The following CD96 variants were observed in gnomAD, a reference collection of about 807,000 sequenced individuals.
CD96 encodes the protein T-cell surface protein tactile.
Under a neutral mutation model 71.3 loss-of-function variants are expected in CD96, and 70 were observed. The ratio of observed to expected loss-of-function variants is 0.98; its 90% CI spans 0.81 to 1.20. The LOEUF is 1.20. Among genes scored for constraint, CD96 ranks in the 50% most tolerant of loss-of-function variants. The pLI is 0.00. For missense variants in CD96, 742 were observed against 677.5 expected (o/e 1.10, Z -1.06); for synonymous variants, 248 against 233.0 (o/e 1.06, Z -0.59).
intron 1 of CD96, among the ~76,000 whole-genome samples, chr3:111,544,337 GT>G (rs1191437464): frequency 4.6e-5 from 7 of 152,100 alleles, no homozygotes; most frequent in African/African-American, 1.7e-4. Flanking sequence ...TAGAGACGGG[GT>G]TTTGCCGTGT....
At chr3:111,618,492 T>C (rs1332044460) in intron 8 of CD96, among the ~76,000 whole-genome samples, 1 of 152,040 alleles carries the variant, frequency 6.6e-6, no homozygotes. Context: ...AAGAGTCTAG[T>C]AAGCAAAAAC....
intron 3 of CD96, chr3:111,570,904 C>T: frequency 6.3e-7 from 1 of 1,594,356 alleles, no homozygotes; most frequent in Non-Finnish European, 8.6e-7. Flanking sequence ...CGAGGCATTT[C>T]CTGCTCAGTG....
chr3:111,608,492 T>A (rs1391969107), intron 8 of CD96, among the ~76,000 whole-genome samples: 2 of 152,230 alleles, frequency 1.3e-5, no homozygotes. Context: ...TGTGGTTTGA[T>A]CTTTATTATG....
Position 111,567,564 on chromosome 3 carries a change from G to A in CD96, c.460G>A (p.Glu154Lys), listed in dbSNP as rs1274852667. 1 of 1,605,268 alleles carries A rather than the reference G, an allele frequency of 6.2e-7. No homozygotes were observed. Among genetic ancestry groups the A allele is most frequent in the East Asian group, 2.2e-5 (1 of 44,820 alleles). The change falls in exon 3 of 14, where the codon GAG becomes AAG. Residue 154 changes from glutamate (E) to lysine (K), a missense_variant. Transcript: ENST00000352690. ...GAACAGCAACCATACGATAGAAATA[G>A]AGATAAATCAGACTCTGGAAATACC... is the stretch of plus-strand genomic sequence containing the variant. ...EWNSNHTIEIEINQTLEIPCF... is the reference protein window; with the variant it reads ...EWNSNHTIEIKINQTLEIPCF...
At chr3:111,543,644 G>A (rs73226247) in intron 1 of CD96, among the ~76,000 whole-genome samples, 8,130 of 152,280 alleles carry the variant, frequency 0.053, 292 homozygotes, top group Non-Finnish European at 0.08. Flanking sequence ...TTACTTAGAA[G>A]TTATATGTAG....
At chr3:111,592,237 T>C (rs1385561377) in intron 5 of CD96, among the ~76,000 whole-genome samples, 1 of 152,248 alleles carries the variant, frequency 6.6e-6, no homozygotes, top group Non-Finnish European at 1.5e-5. Flanking sequence ...ATTCTATTTC[T>C]AAATTAATAT....
chr3:111,593,676 T>C, intron 5 of CD96: 1 of 1,612,248 alleles, frequency 6.2e-7, no homozygotes, highest in Non-Finnish European at 8.5e-7. Context: ...CGCTCCCTTT[T>C]TTCCACAGCC....
At chr3:111,577,353 C>T (rs2107578726) in intron 3 of CD96, 1 of 748,346 alleles carries the variant, frequency 1.3e-6, no homozygotes, top group Non-Finnish European at 2.5e-6. Context: ...TACCTGCCTT[C>T]TTAATTATTG....
intron 1 of CD96, 113 bp from the exon 2 acceptor site, chr3:111,544,933 G>T: frequency 1.2e-6 from 1 of 846,362 alleles, no homozygotes; most frequent in African/African-American, 1.7e-5. Context: ...AAAGCAGCCA[G>T]GGAGAAATTT....
intron 5 of CD96, among the ~76,000 whole-genome samples, chr3:111,585,792 C>T (rs563155356): frequency 6.6e-6 from 1 of 152,180 alleles, no homozygotes; most frequent in East Asian, 1.9e-4. Flanking sequence ...GTTTTTATTT[C>T]AAAGTGACAG....
intron 9 of CD96, 66 bp downstream of exon 9, chr3:111,623,888 C>A: frequency 1.0e-6 from 1 of 1,000,142 alleles, no homozygotes; most frequent in Non-Finnish European, 1.6e-6. Context: ...TTTACTACTG[C>A]TTCTATAATG....
At chr3:111,594,232 T>G in intron 5 of CD96, 2 of 1,528,902 alleles carry the variant, frequency 1.3e-6, no homozygotes, top group Non-Finnish European at 1.8e-6. Context: ...CTTTATGATG[T>G]GCTTAGATGT....
At chr3:111,559,124 G>T (rs1390622780) in intron 2 of CD96, among the ~76,000 whole-genome samples, 1 of 150,766 alleles carries the variant, frequency 6.6e-6, no homozygotes, top group Non-Finnish European at 1.5e-5. Flanking sequence ...CTTGCTAGCG[G>T]TCTATCAATT....
intron 2 of CD96, among the ~76,000 whole-genome samples, chr3:111,560,395 G>A (rs1275304647): frequency 6.6e-6 from 1 of 150,434 alleles, no homozygotes; most frequent in Admixed American, 6.6e-5. Context: ...CTCTTTTAGG[G>A]CAGGCCTGGT....
At chr3:111,567,432 C>G (rs939311107) in intron 2 of CD96, 91 bp from the exon 3 acceptor site, 1 of 1,021,112 alleles carries the variant, frequency 9.8e-7, no homozygotes, top group African/African-American at 1.6e-5. Flanking sequence ...AGATGAATCC[C>G]TATACTAAAA....
chr3:111,550,602 A>G (rs1934652264), intron 2 of CD96, among the ~76,000 whole-genome samples: 1 of 152,060 alleles, frequency 6.6e-6, no homozygotes, highest in Non-Finnish European at 1.5e-5. Context: ...AAAAAAAAAG[A>G]ACAGTTTTTT....
intron 5 of CD96, among the ~76,000 whole-genome samples, chr3:111,587,849 A>G (rs1043207303): frequency 1.3e-5 from 2 of 152,102 alleles, no homozygotes; most frequent in African/African-American, 4.8e-5. Flanking sequence ...CCTTTCAGTT[A>G]TGGCTGGAGT....
intron 8 of CD96, among the ~76,000 whole-genome samples, chr3:111,619,146 G>A (rs544638813): frequency 2.2e-4 from 34 of 152,268 alleles, no homozygotes; most frequent in African/African-American, 7.7e-4. Flanking sequence ...GATGTCACAT[G>A]GAGATGACCA....
At chr3:111,542,694 T>G (rs886845805) in intron 1 of CD96, among the ~76,000 whole-genome samples, 2 of 152,186 alleles carry the variant, frequency 1.3e-5, no homozygotes, top group African/African-American at 4.8e-5. Flanking sequence ...CAGAGATCCT[T>G]GTTTAACTTT....
Sources: gnomAD v4.1 joint callset for allele counts (sites outside exome capture counted in the v4.1 genomes callset) on GRCh38, gnomAD v4.1.1 for gene constraint, MANE v1.5 for transcripts, NCBI Gene and HGNC (gene_info 2026-07-23, HGNC 2026-07-21) for gene names.